The following CYP4Z1 variants were observed in gnomAD, a reference collection of about 807,000 sequenced individuals.
CYP4Z1 encodes cytochrome P450 family 4 subfamily Z member 1, also known as cytochrome P450 4Z1.
A neutral mutation model predicts 54.2 loss-of-function variants in CYP4Z1; 41 were observed. That is an observed-to-expected ratio of 0.76 (90% CI 0.59 to 0.98). The LOEUF (loss-of-function observed/expected upper bound fraction) is 0.98. CYP4Z1 is among the 50% of genes least tolerant of loss of function. The probability of loss-of-function intolerance (pLI) is 0.00; values close to 1 mark genes in which losing one functional copy is unlikely to be tolerated. For missense variants in CYP4Z1, 513 were observed against 599.0 expected, an observed-to-expected ratio of 0.86 and a Z score of 1.50; for synonymous variants, 163 against 206.2, an observed-to-expected ratio of 0.79 and a Z score of 1.79.
chr1:47,061,409 T>A, the CYP4Z1 span, among the ~76,000 whole-genome samples: 2 of 152,194 alleles, frequency 1.3e-5, no homozygotes, highest in African/African-American at 2.4e-5. Flanking sequence ...AACACCTCTA[T>A]GCACACAAAC....
intron 2 of CYP4Z1, among the ~76,000 whole-genome samples, chr1:47,076,308 A>T: frequency 6.7e-6 from 1 of 149,790 alleles, no homozygotes; most frequent in African/African-American, 2.5e-5. Context: ...AATCTTTATC[A>T]TTTCCTTCCT....
chr1:47,114,087 C>A (rs980579829), intron 9 of CYP4Z1, among the ~76,000 whole-genome samples: 4 of 151,968 alleles, frequency 2.6e-5, no homozygotes, highest in East Asian at 1.9e-4. Context: ...GGTACTGGTA[C>A]CAAAACAGAG....
the CYP4Z1 span, among the ~76,000 whole-genome samples, chr1:47,060,394 A>T: frequency 3.3e-5 from 5 of 152,366 alleles, no homozygotes; most frequent in Non-Finnish European, 4.4e-5. Context: ...ACATTAAAAT[A>T]AAAGCAGGGA....
chr1:47,062,493 G>C (rs1026142532), upstream of CYP4Z1, among the ~76,000 whole-genome samples: 8 of 152,148 alleles, frequency 5.3e-5, no homozygotes, highest in African/African-American at 1.9e-4. Flanking sequence ...TTGCAGCTGG[G>C]GAGGGCACAG....
chr1:47,064,275 G>A (rs1644438887), upstream of CYP4Z1, among the ~76,000 whole-genome samples: 2 of 151,686 alleles, frequency 1.3e-5, no homozygotes, highest in South Asian at 4.2e-4. Context: ...GTAGAGATGG[G>A]GTTTCACCAT....
At chr1:47,059,247 A>T in the CYP4Z1 span, among the ~76,000 whole-genome samples, 1 of 152,196 alleles carries the variant, frequency 6.6e-6, no homozygotes, top group East Asian at 1.9e-4. Context: ...ATTAATTCTG[A>T]GACATTTTTG....
chr1:47,088,488 C>T (rs201623094), intron 6 of CYP4Z1, among the ~76,000 whole-genome samples: 16 of 152,160 alleles, frequency 1.1e-4, no homozygotes, highest in East Asian at 1.9e-4. Flanking sequence ...TGCTTAGAGG[C>T]GTTTATAGTA....
intron 8 of CYP4Z1, among the ~76,000 whole-genome samples, chr1:47,102,923 C>A (rs1472308205): frequency 6.6e-6 from 1 of 151,848 alleles, no homozygotes; most frequent in African/African-American, 2.4e-5. Flanking sequence ...GTTTTCTAAC[C>A]CTTTTGTTTC....
chr1:47,100,625 C>T (rs963034140), intron 8 of CYP4Z1, among the ~76,000 whole-genome samples: 2 of 152,138 alleles, frequency 1.3e-5, no homozygotes, highest in Non-Finnish European at 1.5e-5. Context: ...TAATAACGGC[C>T]TCAAAGCACA....
chr1:47,057,534 A>T, the CYP4Z1 span, among the ~76,000 whole-genome samples: 1 of 141,940 alleles, frequency 7.0e-6, no homozygotes, highest in Non-Finnish European at 1.5e-5. Context: ...ATATCTTCCA[A>T]TTATATGCCT....
chr1:47,064,822 A>T (rs1245226759), upstream of CYP4Z1, among the ~76,000 whole-genome samples: 1 of 152,182 alleles, frequency 6.6e-6, no homozygotes, highest in Non-Finnish European at 1.5e-5. Flanking sequence ...ACACATAAGG[A>T]CTGACATGAA....
intron 2 of CYP4Z1, among the ~76,000 whole-genome samples, chr1:47,077,755 G>C (rs12402807): frequency 6.6e-6 from 1 of 151,104 alleles, no homozygotes; most frequent in African/African-American, 2.4e-5. Context: ...TGAGCAGTTG[G>C]AACTACAGGC....
chr1:47,098,304 T>C (rs1269357079), intron 7 of CYP4Z1, among the ~76,000 whole-genome samples: 1 of 152,226 alleles, frequency 6.6e-6, no homozygotes. Context: ...TGAGCAGTGG[T>C]TTGTAGTTCT....
Position 47,118,199 on chromosome 1 carries a change from G to A in CYP4Z1, c.*265G>A, listed in dbSNP as rs1644845020. 1 of 321,950 alleles carries A rather than the reference G, an allele frequency of 3.1e-6. No homozygotes were observed. 19.9% of individuals were successfully genotyped at this position (321,950 alleles called of 1,614,324 possible). ...GGTTTGTGTAACTAGTGGTAGAGTG[G>A]CTTTCAAGCATAGTTTGATCAAAAC... is the stretch of plus-strand genomic sequence containing the variant. On this transcript the variant is annotated 3_prime_UTR_variant, in exon 12 of 12. Transcript: ENST00000334194.
chr1:47,101,779 AT>A (rs1301423669), intron 8 of CYP4Z1, among the ~76,000 whole-genome samples: 73 of 152,116 alleles, frequency 4.8e-4, no homozygotes, highest in Non-Finnish European at 5.9e-5. Flanking sequence ...CCAACGTGCA[AT>A]TTAAATCCAA....
chr1:47,084,654 G>A lies in CYP4Z1; in HGVS notation c.527G>A (p.Arg176His), dbSNP rs148896426. The A allele has an allele frequency of 9.9e-4, 1,585 of 1,607,450 alleles. 20 individuals are homozygous for A. In the African/African-American group the frequency reaches 0.017, roughly 18 times the overall value. Residue 176 changes from arginine to histidine, a missense_variant, in exon 5 of 12, where the codon CGT (arginine) becomes CAT (histidine). Transcript: ENST00000334194. ...KWEEHIAQNS[R>H]LELFQHVSLM... ...GAGGAACACATTGCCCAAAACTCAC[G>A]TCTGGAGCTCTTTCAACATGTCTCC...
intron 8 of CYP4Z1, among the ~76,000 whole-genome samples, chr1:47,104,440 C>A (rs1188719475): frequency 3.3e-5 from 5 of 152,150 alleles, no homozygotes; most frequent in African/African-American, 1.2e-4. Flanking sequence ...AGGTGGCTTG[C>A]CTGGGTTCTG....
chr1:47,068,585 A>C, intron 1 of CYP4Z1, 37 bp from the exon 2 acceptor site: 1 of 1,609,724 alleles, frequency 6.2e-7, no homozygotes, highest in South Asian at 1.1e-5. Flanking sequence ...CTGGGGTGAC[A>C]ACCTTTACTA....
chr1:47,110,948 G>A (rs949903919), intron 9 of CYP4Z1, among the ~76,000 whole-genome samples: 1 of 151,604 alleles, frequency 6.6e-6, no homozygotes, highest in East Asian at 2.0e-4. Context: ...GGAAGAATTC[G>A]TTAACGGTGA....
Sources: allele counts gnomAD v4.1 joint callset (sites outside exome capture counted in the v4.1 genomes callset), GRCh38; gene constraint gnomAD v4.1.1; transcripts MANE v1.5; gene names NCBI Gene and HGNC (gene_info 2026-07-23, HGNC 2026-07-21).